LSM14A: variants seen among roughly 807,000 people sequenced by gnomAD.
The protein encoded by LSM14A is protein LSM14 homolog A.
Under a neutral mutation model 52.4 loss-of-function variants are expected in LSM14A, and 14 were observed. That is an observed-to-expected ratio of 0.27 (90% CI 0.18 to 0.42). The LOEUF is 0.42. Ranked by LOEUF, LSM14A falls within the 10% of genes least tolerant of loss-of-function variation. The pLI is 1.00. For missense variants in LSM14A, 417 were observed against 581.8 expected, an observed-to-expected ratio of 0.72 and a Z score of 2.91; for synonymous variants, 185 against 200.3, an observed-to-expected ratio of 0.92 and a Z score of 0.64.
intron 8 of LSM14A, 33 bp from the exon 9 acceptor site, chr19:34,221,474 T>C: frequency 1.3e-6 from 2 of 1,596,374 alleles, no homozygotes; most frequent in Non-Finnish European, 1.7e-6. Flanking sequence ...CTTTTAAACC[T>C]GATATGCTGA....
At chr19:34,215,869 T>C (rs1474103684) in intron 6 of LSM14A, among the ~76,000 whole-genome samples, 2 of 152,178 alleles carry the variant, frequency 1.3e-5, no homozygotes, top group Non-Finnish European at 2.9e-5. Context: ...TAGAACATCA[T>C]AGAACTATGC....
At chr19:34,225,063 T>C (rs573558365) in intron 9 of LSM14A, among the ~76,000 whole-genome samples, 1 of 152,360 alleles carries the variant, frequency 6.6e-6, no homozygotes, top group East Asian at 1.9e-4. Flanking sequence ...TTTAGTTTTG[T>C]TCTGCATCAC....
At chr19:34,176,979 A>T (rs1219505313) in intron 1 of LSM14A, among the ~76,000 whole-genome samples, 3 of 152,190 alleles carry the variant, frequency 2.0e-5, no homozygotes, top group East Asian at 3.8e-4. Flanking sequence ...CCTGGTGGGT[A>T]TGTAGTTGTA....
intron 1 of LSM14A, among the ~76,000 whole-genome samples, chr19:34,174,957 C>T (rs969185673): frequency 2.0e-5 from 3 of 152,040 alleles, no homozygotes; most frequent in South Asian, 2.1e-4. Flanking sequence ...TTAAAAACTA[C>T]GAACATATCC....
intron 4 of LSM14A, among the ~76,000 whole-genome samples, chr19:34,214,026 G>A (rs1396985287): frequency 1.3e-5 from 2 of 151,884 alleles, no homozygotes; most frequent in Non-Finnish European, 2.9e-5. Context: ...CAAGCGATCT[G>A]CCCATCTCAG....
Position 34,228,343 on chromosome 19 carries a change from A to G in LSM14A, c.*955A>G, listed in dbSNP as rs1221377019. 2.0e-5 allele frequency: 3 copies of G among 152,682 alleles called. No individual in the cohort carries two copies. The highest frequency in any genetic ancestry group is 7.2e-5 in the African/African-American group (3 of 41,472). 9.5% of individuals were successfully genotyped at this position (152,682 alleles called of 1,614,324 possible). A position where few individuals can be genotyped will look rare whatever the true frequency, so the allele number is the denominator to read the frequency against. On this transcript the variant is annotated 3_prime_UTR_variant, in exon 10 of 10. Coordinates refer to ENST00000544216, the MANE Select transcript of LSM14A (RefSeq NM_015578.4). ...GATAATCGATATTTTCAGTATACAA[A>G]TGTAAATAATCACAGATGAGAATGT...
intron 3 of LSM14A, among the ~76,000 whole-genome samples, chr19:34,206,290 G>C (rs1421097936): frequency 6.6e-6 from 1 of 152,120 alleles, no homozygotes; most frequent in Non-Finnish European, 1.5e-5. Context: ...AGGATCTCTT[G>C]AGCCCAGGAG....
chr19:34,198,530 C>T (rs1047249172), intron 3 of LSM14A, among the ~76,000 whole-genome samples: 5 of 151,782 alleles, frequency 3.3e-5, no homozygotes, highest in East Asian at 1.9e-4. Flanking sequence ...GTAGGAGAAT[C>T]GCTTGAACCT....
chr19:34,173,140 G>C (rs2068828682), intron 1 of LSM14A, among the ~76,000 whole-genome samples: 1 of 152,268 alleles, frequency 6.6e-6, no homozygotes, highest in South Asian at 2.1e-4. Context: ...CCCAGCTTGA[G>C]TTCATCGCGG....
chr19:34,215,465 G>T, intron 5 of LSM14A, 131 bp from the exon 6 acceptor site: 1 of 1,090,744 alleles, frequency 9.2e-7, no homozygotes. Flanking sequence ...TGGTGGTGTG[G>T]GTATAGTTTT....
At chr19:34,192,319 G>GTTGTTTTTTTTTTT (rs60512063) in intron 1 of LSM14A, among the ~76,000 whole-genome samples, 1 of 53,410 alleles carries the variant, frequency 1.9e-5, no homozygotes, top group African/African-American at 8.1e-5. Context: ...TCTTTTTGTT[G>GTTGTTTTTTTTTTT]TTTTTTTTTT....
rs2073414862 is a variant in LSM14A at position 34,227,726 on chromosome 19, G to A, written c.*338G>A. ...GGTTTTTTTTTTTTATCACTAAATT[G>A]TATTTGGCAATTGCAAGTTGCCTGC... On this transcript the variant is annotated 3_prime_UTR_variant, in exon 10 of 10. Coordinates refer to ENST00000544216, the MANE Select transcript of LSM14A (RefSeq NM_015578.4). 4.3e-6 allele frequency: 1 copy of A among 232,686 alleles called. No homozygotes were observed. Among genetic ancestry groups the A allele is most frequent in the Non-Finnish European group, 8.1e-6 (1 of 122,926 alleles). The allele number at this position is 232,686 out of a possible 1,614,324, so 14.4% of individuals were successfully genotyped here. A position where few individuals can be genotyped will look rare whatever the true frequency, so the allele number is the denominator to read the frequency against.
At chr19:34,226,576 T>A in intron 9 of LSM14A, 3 of 900,086 alleles carry the variant, frequency 3.3e-6, no homozygotes, top group Non-Finnish European at 4.8e-6. Context: ...TATTTCAGTT[T>A]AATAACGGGG....
rs2145921547 is a variant in LSM14A at position 34,227,671 on chromosome 19, G to A, written c.*283G>A. On this transcript the variant is annotated 3_prime_UTR_variant, in exon 10 of 10. Coordinates refer to ENST00000544216, the MANE Select transcript of LSM14A (RefSeq NM_015578.4). ...TTAAACTAAAGCAGTACTTCAGTGG[G>A]ACTTAACAAGTATTTTTTCATCACT... 1 of 342,882 alleles carries A rather than the reference G, an allele frequency of 2.9e-6. No individual in the cohort carries two copies. The highest frequency in any genetic ancestry group is 1.0e-4 in the South Asian group (1 of 9,682). 21.2% of individuals were successfully genotyped at this position (342,882 alleles called of 1,614,324 possible). A position where few individuals can be genotyped will look rare whatever the true frequency, so the allele number is the denominator to read the frequency against.
chr19:34,193,260 C>G (rs1334749457), intron 1 of LSM14A, among the ~76,000 whole-genome samples: 2 of 152,218 alleles, frequency 1.3e-5, no homozygotes, highest in African/African-American at 4.8e-5. Flanking sequence ...TCAAGCGATC[C>G]TCATACCTCA....
intron 3 of LSM14A, among the ~76,000 whole-genome samples, chr19:34,203,315 A>T (rs916657764): frequency 2.0e-5 from 3 of 152,238 alleles, no homozygotes; most frequent in Admixed American, 2.0e-4. Flanking sequence ...TGAATAGACC[A>T]TCAGTGGGTA....
intron 3 of LSM14A, among the ~76,000 whole-genome samples, chr19:34,204,957 A>G (rs2071571048): frequency 6.7e-6 from 1 of 150,030 alleles, no homozygotes; most frequent in South Asian, 2.1e-4. Context: ...TGTGATAAAA[A>G]CTCGTCTCTA....
intron 9 of LSM14A, among the ~76,000 whole-genome samples, chr19:34,223,099 G>A (rs552910301): frequency 3.3e-5 from 5 of 151,900 alleles, no homozygotes; most frequent in African/African-American, 1.2e-4. Flanking sequence ...GGGGTGGAGG[G>A]TGTCAGGGTC....
At chr19:34,208,907 C>T in intron 3 of LSM14A, 22 bp from the exon 4 acceptor site, 3 of 1,506,560 alleles carry the variant, frequency 2.0e-6, no homozygotes, top group Non-Finnish European at 1.8e-6. Flanking sequence ...ATTTTTTTAT[C>T]ATTTAAAAAC....
Sources: allele counts gnomAD v4.1 joint callset (sites outside exome capture counted in the v4.1 genomes callset), GRCh38; gene constraint gnomAD v4.1.1; transcripts MANE v1.5; gene names NCBI Gene and HGNC (gene_info 2026-07-23, HGNC 2026-07-21).